RBFOX1: variants seen among roughly 807,000 people sequenced by gnomAD.
The protein encoded by RBFOX1 is RNA binding protein fox-1 homolog 1.
A neutral mutation model predicts 57.7 loss-of-function variants in RBFOX1; 8 were observed. The observed-to-expected ratio is 0.14, with a 90% CI of 0.08 to 0.25. The LOEUF (loss-of-function observed/expected upper bound fraction) is 0.25, where lower values mean the gene tolerates loss of function less well. Among genes scored for constraint, RBFOX1 ranks in the 10% least tolerant of loss-of-function variants. The pLI, the probability that RBFOX1 is intolerant of heterozygous loss-of-function variation, is 1.00. For synonymous variants in RBFOX1, 326 were observed against 222.4 expected, an observed-to-expected ratio of 1.47 and a Z score of -4.15; for missense variants, 611 against 548.5, an observed-to-expected ratio of 1.11 and a Z score of -1.14.
intron 3 of RBFOX1, among the ~76,000 whole-genome samples, chr16:6,785,925 G>A (rs536935415): frequency 1.3e-5 from 2 of 152,282 alleles, no homozygotes; most frequent in East Asian, 3.9e-4. Context: ...TGTGACTGAG[G>A]AACCTTGTGT....
chr16:6,535,361 G>C (rs572709548), intron 2 of RBFOX1, among the ~76,000 whole-genome samples: 1 of 152,272 alleles, frequency 6.6e-6, no homozygotes, highest in South Asian at 2.1e-4. Context: ...GTCAGTGTGG[G>C]ATAATTGTCA....
chr16:7,265,979 T>TG (rs1244199206), intron 4 of RBFOX1, among the ~76,000 whole-genome samples: 16 of 140,382 alleles, frequency 1.1e-4, no homozygotes, highest in Admixed American at 1.1e-3. Context: ...TTTTTTTTTT[T>TG]TTTTTTTTTT....
intron 1 of RBFOX1, among the ~76,000 whole-genome samples, chr16:6,094,096 C>A (rs2096213710): frequency 6.6e-6 from 1 of 152,236 alleles, no homozygotes; most frequent in African/African-American, 2.4e-5. Flanking sequence ...GAAAAGACCC[C>A]AAATGTGCAT....
intron 3 of RBFOX1, among the ~76,000 whole-genome samples, chr16:6,845,941 C>G (rs1470442765): frequency 6.6e-6 from 1 of 152,184 alleles, no homozygotes; most frequent in East Asian, 1.9e-4. Flanking sequence ...CTGCCATGGA[C>G]AGCAGATGCT....
chr16:5,474,632 G>C (rs953018900), intron 2 of RBFOX1, among the ~76,000 whole-genome samples: 26 of 151,846 alleles, frequency 1.7e-4, no homozygotes, highest in African/African-American at 2.4e-5. Context: ...CCAGCCTGGG[G>C]GACAAGAGCG....
At chr16:5,967,160 G>C (rs187145092) in intron 4 of RBFOX1, among the ~76,000 whole-genome samples, 24 of 152,222 alleles carry the variant, frequency 1.6e-4, no homozygotes, top group Admixed American at 1.6e-3. Context: ...GGCCCGCAAA[G>C]CCACAAATAT....
intron 11 of RBFOX1, among the ~76,000 whole-genome samples, chr16:7,645,037 C>T (rs1265271355): frequency 1.3e-5 from 2 of 152,112 alleles, no homozygotes; most frequent in African/African-American, 4.8e-5. Flanking sequence ...TAGCTGAAGT[C>T]GAGATTTAGA....
At chr16:6,450,806 T>TATATATATAC (rs2094587588) in intron 2 of RBFOX1, among the ~76,000 whole-genome samples, 1 of 17,264 alleles carries the variant, frequency 5.8e-5, no homozygotes, top group African/African-American at 4.2e-4. Flanking sequence ...TATATGTATA[T>TATATATATAC]ATATATATAT....
At chr16:6,589,418 G>A (rs2097678756) in intron 2 of RBFOX1, among the ~76,000 whole-genome samples, 1 of 152,222 alleles carries the variant, frequency 6.6e-6, no homozygotes, top group Non-Finnish European at 1.5e-5. Flanking sequence ...TAGGGGGTCA[G>A]AAAGTGGAAG....
At chr16:5,440,414 T>C (rs1379493276) in intron 1 of RBFOX1, among the ~76,000 whole-genome samples, 2 of 152,260 alleles carry the variant, frequency 1.3e-5, no homozygotes, top group Non-Finnish European at 2.9e-5. Context: ...GGTTATCTTT[T>C]GTTTTGGTTG....
At chr16:6,281,011 A>G (rs2076324481) in intron 1 of RBFOX1, among the ~76,000 whole-genome samples, 1 of 151,600 alleles carries the variant, frequency 6.6e-6, no homozygotes, top group African/African-American at 2.4e-5. Context: ...ATGTATATAT[A>G]TATGTATTAC....
intron 2 of RBFOX1, among the ~76,000 whole-genome samples, chr16:5,568,519 C>G (rs9928929): frequency 0.046 from 7,050 of 152,204 alleles, 246 homozygotes; most frequent in African/African-American, 0.099. Context: ...GTAAAGGTCA[C>G]CAAGATAAGC....
chr16:7,028,609 C>CAAAAAA (rs869138217), intron 3 of RBFOX1, among the ~76,000 whole-genome samples: 1 of 45,426 alleles, frequency 2.2e-5, no homozygotes, highest in Non-Finnish European at 3.9e-5. Flanking sequence ...CACACACACA[C>CAAAAAA]AAAAAAAAAA....
intron 5 of RBFOX1, among the ~76,000 whole-genome samples, chr16:7,546,479 A>G (rs894164218): frequency 3.3e-5 from 5 of 152,244 alleles, no homozygotes; most frequent in Admixed American, 6.5e-5. Context: ...TATTCAATAT[A>G]GAAAATATAG....
intron 3 of RBFOX1, among the ~76,000 whole-genome samples, chr16:5,710,625 C>T (rs1335653565): frequency 1.3e-5 from 2 of 152,250 alleles, no homozygotes; most frequent in African/African-American, 2.4e-5. Flanking sequence ...AGGGTTGGTG[C>T]ACAGGATGTT....
chr16:6,241,053 C>G (rs1316543004), intron 1 of RBFOX1, among the ~76,000 whole-genome samples: 2 of 152,116 alleles, frequency 1.3e-5, no homozygotes. Context: ...TACATATGCA[C>G]AAAACATCTT....
At chr16:6,181,368 C>T (rs990190067) in intron 1 of RBFOX1, among the ~76,000 whole-genome samples, 1 of 152,194 alleles carries the variant, frequency 6.6e-6, no homozygotes, top group African/African-American at 2.4e-5. Context: ...CTTGCCTAAA[C>T]TCCAGTCGAT....
intron 3 of RBFOX1, among the ~76,000 whole-genome samples, chr16:5,795,074 C>G (rs940063690): frequency 1.3e-5 from 2 of 152,214 alleles, no homozygotes. Flanking sequence ...TATTCCATCT[C>G]AGTTTCTCAT....
At chr16:5,876,948 G>T (rs2057627772) in intron 4 of RBFOX1, among the ~76,000 whole-genome samples, 1 of 152,202 alleles carries the variant, frequency 6.6e-6, no homozygotes, top group Admixed American at 6.5e-5. Context: ...GAGATGCAAT[G>T]GTTGAAGGGG....
Sources: gnomAD v4.1 joint callset for allele counts (sites outside exome capture counted in the v4.1 genomes callset) on GRCh38, gnomAD v4.1.1 for gene constraint, MANE v1.5 for transcripts, NCBI Gene and HGNC (gene_info 2026-07-23, HGNC 2026-07-21) for gene names.